The following COPG2 variants were observed in gnomAD, a reference collection of about 807,000 sequenced individuals.
COPG2 encodes coat protein complex I subunit gamma 2.
Under a neutral mutation model 46.3 loss-of-function variants are expected in COPG2, and 37 were observed. That is an observed-to-expected ratio of 0.80 (90% CI 0.61 to 1.05). The LOEUF is 1.05. COPG2 is among the 50% of genes least tolerant of loss of function. The pLI, the probability that COPG2 is intolerant of heterozygous loss-of-function variation, is 0.00. For missense variants in COPG2, 427 were observed against 387.8 expected, an observed-to-expected ratio of 1.10 and a Z score of -0.85; for synonymous variants, 159 against 129.7, an observed-to-expected ratio of 1.23 and a Z score of -1.53.
chr7:130,606,793 T>C (rs1794741542), intron 9 of COPG2, among the ~76,000 whole-genome samples: 1 of 152,206 alleles, frequency 6.6e-6, no homozygotes, highest in African/African-American at 2.4e-5. Context: ...CCGAATTACA[T>C]AATCAATAAA....
intron 20 of COPG2, among the ~76,000 whole-genome samples, chr7:130,524,261 C>T (rs1396811489): frequency 2.0e-5 from 3 of 151,976 alleles, no homozygotes; most frequent in South Asian, 2.1e-4. Flanking sequence ...GGTGGAGCAG[C>T]GGGTGCGGGG....
At chr7:130,668,520 C>T (rs1320091649) in intron 1 of COPG2, 112 bp downstream of exon 1, 3 of 972,478 alleles carry the variant, frequency 3.1e-6, no homozygotes, top group Non-Finnish European at 2.8e-6. Context: ...CTCCGGCCCC[C>T]TGGCACGGCG....
rs1799763142 is a variant in COPG2 at position 130,525,313 on chromosome 7, C to G, written c.2150-16654G>C. On this transcript the variant is annotated intron_variant, in intron 20 of 23. Coordinates refer to ENST00000425248, the MANE Select transcript of COPG2 (RefSeq NM_012133.6). ...CAGATCTCATGTGAAAAGTTGGTTT[C>G]ATGACCGTCATCAAGGCCAGACTGT... Among the ~76,000 whole-genome samples, 3 of 152,134 alleles carry G rather than the reference C, an allele frequency of 2.0e-5. No homozygotes were observed. In the East Asian group the frequency reaches 5.8e-4, roughly 29 times the overall value.
At chr7:130,617,123 A>C (rs1584582544) in intron 5 of COPG2, 58 bp from the exon 6 acceptor site, 1 of 1,016,292 alleles carries the variant, frequency 9.8e-7, no homozygotes. Flanking sequence ...CATGGAGTTC[A>C]CCCCTAGCCA....
intron 9 of COPG2, chr7:130,605,725 T>C (rs370561358): frequency 3.7e-4 from 191 of 519,718 alleles, no homozygotes; most frequent in African/African-American, 3.4e-3. Context: ...TTAAATGAGA[T>C]TGGAAGTGGA....
intron 18 of COPG2, among the ~76,000 whole-genome samples, chr7:130,549,042 G>C (rs1281842592): frequency 2.3e-5 from 2 of 85,456 alleles, no homozygotes; most frequent in Non-Finnish European, 4.3e-5. Context: ...AAAGCAAAAA[G>C]CAAAAAAAAA....
At chr7:130,536,709 C>A (rs941661831) in intron 20 of COPG2, among the ~76,000 whole-genome samples, 2 of 152,144 alleles carry the variant, frequency 1.3e-5, no homozygotes, top group African/African-American at 4.8e-5. Flanking sequence ...CAGTTCCCGA[C>A]AGACCAGGAC....
chr7:130,549,396 C>A lies in COPG2; in HGVS notation c.1775-20G>T, dbSNP rs1793499199. 1 of 398,386 alleles carries A rather than the reference C, an allele frequency of 2.5e-6. No homozygotes were observed. The highest frequency in any genetic ancestry group is 2.1e-5 in the African/African-American group (1 of 48,608). 24.7% of individuals were successfully genotyped at this position (398,386 alleles called of 1,614,324 possible). On this transcript the variant is annotated intron_variant, in intron 17 of 23. Transcript: ENST00000425248. ...TGATTTCTATAAAGACAGATATGAG[C>A]AAGTAAGTGAACTTCTCCCACTACT...
chr7:130,521,430 C>G (rs1799722238), intron 20 of COPG2, among the ~76,000 whole-genome samples: 1 of 152,114 alleles, frequency 6.6e-6, no homozygotes, highest in Admixed American at 6.5e-5. Flanking sequence ...AGGGACTGAG[C>G]AGTGAATAGC....
At position 130,529,170 on chromosome 7, in the gene COPG2, T is replaced by G. The variant is rs1330788595; in HGVS notation, c.2149+18504A>C. Among the ~76,000 whole-genome samples, 4 of 152,124 alleles carry G rather than the reference T, an allele frequency of 2.6e-5. No homozygotes were observed. The East Asian group carries it at 7.7e-4, about 29-fold the overall frequency. Reference sequence around the variant, plus strand: ...AGCAGATGGATCCAATGCTGCATATTGTGGATAAAAAGGATGGCAATGTTG... The same window carrying G: ...AGCAGATGGATCCAATGCTGCATATGGTGGATAAAAAGGATGGCAATGTTG... On this transcript the variant is annotated intron_variant, in intron 20 of 23. Coordinates refer to ENST00000425248, the MANE Select transcript of COPG2 (RefSeq NM_012133.6).
intron 9 of COPG2, among the ~76,000 whole-genome samples, chr7:130,568,913 G>A (rs1793848623): frequency 6.6e-6 from 1 of 152,112 alleles, no homozygotes; most frequent in Non-Finnish European, 1.5e-5. Context: ...AAGGAACCTT[G>A]AAAACCAGGC....
chr7:130,590,566 T>C (rs1217615561), intron 9 of COPG2, among the ~76,000 whole-genome samples: 1 of 151,990 alleles, frequency 6.6e-6, no homozygotes, highest in Admixed American at 6.5e-5. Flanking sequence ...TGCTCAATGG[T>C]GCCCAGGCTG....
chr7:130,656,283 G>C (rs1795851682), intron 4 of COPG2, among the ~76,000 whole-genome samples: 1 of 151,546 alleles, frequency 6.6e-6, no homozygotes, highest in African/African-American at 2.4e-5. Flanking sequence ...GAAACAGAAA[G>C]CTGGTTCTAT....
chr7:130,616,233 T>G (rs1554452817), intron 6 of COPG2, among the ~76,000 whole-genome samples: 1 of 152,224 alleles, frequency 6.6e-6, no homozygotes, highest in Non-Finnish European at 1.5e-5. Flanking sequence ...CTCTATGAAC[T>G]GCATCATTTG....
intron 9 of COPG2, among the ~76,000 whole-genome samples, chr7:130,591,615 C>T (rs529135482): frequency 2.5e-3 from 356 of 142,644 alleles, no homozygotes; most frequent in Admixed American, 4.0e-3. Flanking sequence ...GGGTCAGCCC[C>T]GCACCCGGCC....
chr7:130,518,992 T>G (rs1444506893), intron 20 of COPG2, among the ~76,000 whole-genome samples: 6 of 103,310 alleles, frequency 5.8e-5, no homozygotes, highest in Admixed American at 1.3e-4. Context: ...GGCAACAGAG[T>G]GAGACTCTGT....
At chr7:130,614,710 G>T (rs1302965596) in intron 6 of COPG2, among the ~76,000 whole-genome samples, 1 of 152,094 alleles carries the variant, frequency 6.6e-6, no homozygotes, top group Non-Finnish European at 1.5e-5. Flanking sequence ...GTACATGATG[G>T]ATCACCACAG....
At chr7:130,511,441 A>C (rs1554440997) in intron 20 of COPG2, 1 of 519,940 alleles carries the variant, frequency 1.9e-6, no homozygotes, top group African/African-American at 1.9e-5. Flanking sequence ...AATAAGCAAT[A>C]CACACCTACC....
At chr7:130,523,511 G>A (rs1470688726) in intron 20 of COPG2, among the ~76,000 whole-genome samples, 1 of 152,202 alleles carries the variant, frequency 6.6e-6, no homozygotes, top group African/African-American at 2.4e-5. Flanking sequence ...GAAGACGCAC[G>A]TGCAGTGGGG....
Sources: allele counts gnomAD v4.1 joint callset (sites outside exome capture counted in the v4.1 genomes callset), GRCh38; gene constraint gnomAD v4.1.1; transcripts MANE v1.5; gene names NCBI Gene and HGNC (gene_info 2026-07-23, HGNC 2026-07-21).